PCDHA3: variants seen among roughly 807,000 people sequenced by gnomAD.
PCDHA3 encodes the protein protocadherin alpha-3.
Under a neutral mutation model 62.2 loss-of-function variants are expected in PCDHA3, and 41 were observed. The ratio of observed to expected loss-of-function variants is 0.66; its 90% CI spans 0.51 to 0.86. PCDHA3 has a LOEUF of 0.86. Ranked by LOEUF, PCDHA3 falls within the 40% of genes least tolerant of loss-of-function variation. PCDHA3 has a pLI of 0.00. For synonymous variants in PCDHA3, 640 were observed against 555.4 expected, an observed-to-expected ratio of 1.15 and a Z score of -2.14; for missense variants, 1,304 against 1,241.2, an observed-to-expected ratio of 1.05 and a Z score of -0.76.
At chr5:140,996,308 A>G (rs997099218) in intron 3 of PCDHA3, among the ~76,000 whole-genome samples, 4 of 152,240 alleles carry the variant, frequency 2.6e-5, no homozygotes, top group African/African-American at 9.6e-5. Flanking sequence ...GTAACAAAGT[A>G]AGGGGGGAGG....
At chr5:140,809,203 T>C in intron 1 of PCDHA3, 1 of 1,613,798 alleles carries the variant, frequency 6.2e-7, no homozygotes, top group Non-Finnish European at 8.5e-7. Context: ...TTGTGGAGAG[T>C]GGACAGGCGC....
At chr5:140,908,661 G>C (rs530751435) in intron 1 of PCDHA3, among the ~76,000 whole-genome samples, 9 of 152,306 alleles carry the variant, frequency 5.9e-5, no homozygotes, top group African/African-American at 2.2e-4. Flanking sequence ...GCCTGCCAAA[G>C]GCTCCAAATA....
intron 1 of PCDHA3, among the ~76,000 whole-genome samples, chr5:140,839,820 G>A (rs899482827): frequency 6.6e-6 from 1 of 151,928 alleles, no homozygotes; most frequent in Non-Finnish European, 1.5e-5. Context: ...CTACTATGAA[G>A]GCATTCATGA....
At chr5:140,818,715 G>A (rs1293296922) in intron 1 of PCDHA3, among the ~76,000 whole-genome samples, 2 of 152,184 alleles carry the variant, frequency 1.3e-5, no homozygotes, top group Non-Finnish European at 1.5e-5. Flanking sequence ...GTGCACACCT[G>A]TGGTCCCAGC....
At chr5:140,859,448 G>C (rs1434508059) in intron 1 of PCDHA3, 1 of 222,132 alleles carries the variant, frequency 4.5e-6, no homozygotes, top group African/African-American at 2.3e-5. Flanking sequence ...CTTAGTTGCA[G>C]AGTGACAAAA....
intron 1 of PCDHA3, chr5:140,928,422 A>T (rs782264875): frequency 1.2e-6 from 2 of 1,614,136 alleles, no homozygotes; most frequent in Admixed American, 3.3e-5. Context: ...TCACTGCCAA[A>T]ACTTCCTTTG....
At chr5:140,857,569 G>T (rs1554150250) in intron 1 of PCDHA3, 3 of 1,596,900 alleles carry the variant, frequency 1.9e-6, no homozygotes, top group South Asian at 1.1e-5. Context: ...CGAGCTACGT[G>T]TCGGTGCACG....
intron 1 of PCDHA3, chr5:140,842,566 CGAGAGA>C: frequency 6.7e-7 from 1 of 1,503,446 alleles, no homozygotes; most frequent in Non-Finnish European, 9.0e-7. Flanking sequence ...CCCTGGACCG[CGAGAGA>C]GTGTCGGCCT....
rs1310704954 is a variant in PCDHA3, at chr5:141,010,062, A to C, written c.*125A>C. 1.2e-6 allele frequency: 2 copies of C among 1,602,540 alleles called. No homozygotes were observed. The highest frequency in any genetic ancestry group is 1.7e-6 in the Non-Finnish European group (2 of 1,174,354). Reference sequence around the variant, plus strand: ...CCTCTTAGAGACCTCAGAAATCTGCAGAAAGTTCCCTGTGTCTGTCTAGAA... The same window carrying C: ...CCTCTTAGAGACCTCAGAAATCTGCCGAAAGTTCCCTGTGTCTGTCTAGAA... On this transcript the variant is annotated 3_prime_UTR_variant, in exon 4 of 4. Transcript: ENST00000522353.
rs2150249595 is a variant in PCDHA3 at position 140,835,988 on chromosome 5, G to A, written c.2394+32397G>A. Reference sequence around the variant, plus strand: ...AGCTGGAGCTGTTGCAGTTCCAGGTGAGCGCGCGCGATGCGGGCGTGCCGC... The same window carrying A: ...AGCTGGAGCTGTTGCAGTTCCAGGTAAGCGCGCGCGATGCGGGCGTGCCGC... On this transcript the variant is annotated intron_variant, in intron 1 of 3. Transcript: ENST00000522353. 6.1e-5 allele frequency: 99 copies of A among 1,613,224 alleles called. 1 individual carries two copies. The highest frequency in any genetic ancestry group is 7.6e-5 in the Non-Finnish European group (90 of 1,179,718).
chr5:140,850,958 A>C (rs2150503998), intron 1 of PCDHA3: 1 of 1,481,832 alleles, frequency 6.7e-7, no homozygotes, highest in Admixed American at 2.4e-5. Context: ...GATTACTCCC[A>C]GGGGCCGTTC....
intron 1 of PCDHA3, among the ~76,000 whole-genome samples, chr5:140,832,323 T>G (rs1483891932): frequency 6.6e-6 from 1 of 152,208 alleles, no homozygotes; most frequent in Non-Finnish European, 1.5e-5. Context: ...TTAAGGGCCA[T>G]TAGAGGACTG....
chr5:140,917,249 G>A (rs1439724525), intron 1 of PCDHA3, among the ~76,000 whole-genome samples: 1 of 149,466 alleles, frequency 6.7e-6, no homozygotes, highest in African/African-American at 2.5e-5. Flanking sequence ...TACTACGATT[G>A]CTCACCTGAT....
In PCDHA3 at chr5:140,838,192, C is replaced by CA. The variant is rs1413754072; in HGVS notation, c.2394+34605dup. ...GCAGTGGTGCAATCTCAGCTCACTG[C>CA]AAAATCCGCCTCTCTGGTACAAGCA... On this transcript the variant is annotated intron_variant, in intron 1 of 3. Transcript: ENST00000522353. Among the ~76,000 whole-genome samples the CA allele has an allele frequency of 5.3e-5, 8 of 149,554 alleles. 1 individual carries two copies. The highest frequency in any genetic ancestry group is 9.9e-5 in the African/African-American group (4 of 40,474).
At chr5:140,877,284 C>T (rs1318334277) in intron 1 of PCDHA3, 3 of 1,613,900 alleles carry the variant, frequency 1.9e-6, no homozygotes, top group Non-Finnish European at 2.5e-6. Context: ...CCGGCTATAA[C>T]GCTTGGCTGT....
intron 1 of PCDHA3, among the ~76,000 whole-genome samples, chr5:140,937,638 C>T (rs1563161991): frequency 6.7e-6 from 1 of 150,048 alleles, no homozygotes; most frequent in Non-Finnish European, 1.5e-5. Flanking sequence ...AAAGGCAGGG[C>T]ATGGTGGCTC....
intron 1 of PCDHA3, among the ~76,000 whole-genome samples, chr5:140,954,639 T>A (rs1433862413): frequency 6.6e-6 from 1 of 152,240 alleles, no homozygotes; most frequent in East Asian, 1.9e-4. Flanking sequence ...TCTTGTAAAT[T>A]TGTTTAAGTT....
intron 1 of PCDHA3, among the ~76,000 whole-genome samples, chr5:140,956,241 T>G (rs1396335938): frequency 1.3e-5 from 2 of 152,204 alleles, no homozygotes; most frequent in African/African-American, 4.8e-5. Context: ...TCAAGGGGAA[T>G]GCTTCCAGGT....
intron 1 of PCDHA3, chr5:140,824,165 A>G (rs1554129779): frequency 2.5e-6 from 4 of 1,610,830 alleles, no homozygotes; most frequent in Non-Finnish European, 3.4e-6. Flanking sequence ...TTTCCCTCCC[A>G]ATTTTCAAAT....
Sources: gnomAD v4.1 joint callset for allele counts (sites outside exome capture counted in the v4.1 genomes callset) on GRCh38, gnomAD v4.1.1 for gene constraint, MANE v1.5 for transcripts, NCBI Gene and HGNC (gene_info 2026-07-23, HGNC 2026-07-21) for gene names.